Variants in LNPK observed in about 807,000 individuals in gnomAD.
LNPK encodes the protein endoplasmic reticulum junction formation protein lunapark.
In LNPK, 29 loss-of-function variants were observed where a neutral mutation model predicts 55.2. That is an observed-to-expected ratio of 0.53 (90% CI 0.39 to 0.72). The LOEUF (loss-of-function observed/expected upper bound fraction) is 0.72, where lower values mean the gene tolerates loss of function less well. Ranked by LOEUF, LNPK falls within the 30% of genes least tolerant of loss-of-function variation. LNPK has a pLI of 0.00. For missense variants in LNPK, 467 were observed against 494.8 expected (o/e 0.94, Z 0.53); for synonymous variants, 162 against 168.2 (o/e 0.96, Z 0.29).
At chr2:175,983,810 A>G (rs976192142) in intron 4 of LNPK, among the ~76,000 whole-genome samples, 1 of 152,092 alleles carries the variant, frequency 6.6e-6, no homozygotes, top group African/African-American at 2.4e-5. Context: ...AAGTTAAAAA[A>G]AAAAATGTGA....
intron 9 of LNPK, among the ~76,000 whole-genome samples, chr2:175,941,728 T>C (rs1170926419): frequency 7.0e-6 from 1 of 142,790 alleles, no homozygotes; most frequent in Non-Finnish European, 1.5e-5. Context: ...GAGGTGGAGG[T>C]TGCAGTGAGC....
At chr2:175,967,285 A>C (rs577774681) in intron 6 of LNPK, among the ~76,000 whole-genome samples, 1 of 152,320 alleles carries the variant, frequency 6.6e-6, no homozygotes, top group South Asian at 2.1e-4. Context: ...TAATAAATAC[A>C]TGATTCTATT....
intron 8 of LNPK, among the ~76,000 whole-genome samples, chr2:175,954,063 A>G (rs1470425591): frequency 6.6e-6 from 1 of 152,122 alleles, no homozygotes; most frequent in Non-Finnish European, 1.5e-5. Context: ...TTTCAATCCT[A>G]TTCTCACAGC....
At chr2:175,946,551 T>C (rs904054698) in intron 9 of LNPK, among the ~76,000 whole-genome samples, 6 of 152,172 alleles carry the variant, frequency 3.9e-5, no homozygotes, top group African/African-American at 1.2e-4. Context: ...TAAAATCTTA[T>C]GCTGCATTTT....
intron 6 of LNPK, among the ~76,000 whole-genome samples, chr2:175,969,722 T>C (rs1686564427): frequency 6.6e-6 from 1 of 152,196 alleles, no homozygotes; most frequent in African/African-American, 2.4e-5. Flanking sequence ...TTCCATAATG[T>C]GCAGAATAGC....
At chr2:175,947,420 T>A in intron 9 of LNPK, 60 bp downstream of exon 9, 1 of 1,453,358 alleles carries the variant, frequency 6.9e-7, no homozygotes, top group Non-Finnish European at 9.5e-7. Context: ...AAATGGCCCG[T>A]TTTATTGGTA....
chr2:175,978,565 G>A (rs181184489), intron 5 of LNPK, among the ~76,000 whole-genome samples: 51 of 152,200 alleles, frequency 3.4e-4, no homozygotes, highest in Admixed American at 3.2e-3. Context: ...GTGATTTGAG[G>A]AGAAATACAG....
intron 5 of LNPK, among the ~76,000 whole-genome samples, chr2:175,977,846 T>A (rs571787299): frequency 6.6e-6 from 1 of 152,208 alleles, no homozygotes; most frequent in Non-Finnish European, 1.5e-5. Flanking sequence ...GAGAGGTTTT[T>A]TCCCCACATA....
At chr2:175,950,762 T>C (rs540040325) in intron 8 of LNPK, among the ~76,000 whole-genome samples, 3 of 152,156 alleles carry the variant, frequency 2.0e-5, no homozygotes, top group Admixed American at 1.3e-4. Flanking sequence ...TTATGCTTGT[T>C]GTAAAGATTA....
chr2:175,973,485 G>A (rs987446113), intron 5 of LNPK, among the ~76,000 whole-genome samples: 5 of 152,204 alleles, frequency 3.3e-5, no homozygotes, highest in Non-Finnish European at 7.4e-5. Context: ...ACCATAGACT[G>A]TAAACACCTT....
chr2:175,954,978 G>A (rs1243365757), intron 8 of LNPK, among the ~76,000 whole-genome samples: 1 of 152,198 alleles, frequency 6.6e-6, no homozygotes, highest in African/African-American at 2.4e-5. Context: ...ATAGAGTGAA[G>A]TGAGGACTTC....
intron 1 of LNPK, among the ~76,000 whole-genome samples, chr2:175,997,705 C>CTGTGTGTG (rs35147185): frequency 0.15 from 21,584 of 143,968 alleles, 1,701 homozygotes; most frequent in East Asian, 0.26. Context: ...AACAAATGCT[C>CTGTGTGTG]TGTGTGTGTG....
intron 4 of LNPK, among the ~76,000 whole-genome samples, chr2:175,987,987 A>T (rs1196421537): frequency 6.6e-6 from 1 of 152,244 alleles, no homozygotes; most frequent in Non-Finnish European, 1.5e-5. Context: ...AATATAGCAG[A>T]ATATCTCAAT....
intron 9 of LNPK, among the ~76,000 whole-genome samples, chr2:175,943,103 TTCAC>T (rs1684939066): frequency 6.6e-6 from 1 of 151,678 alleles, no homozygotes; most frequent in Non-Finnish European, 1.5e-5. Context: ...ACTACCGAAG[TTCAC>T]TCAAGAAGAT....
chr2:175,931,272 G>A lies in LNPK; in HGVS notation c.1055-1073C>T, dbSNP rs566044400. Among the ~76,000 whole-genome samples, 7 of 152,266 alleles carry A rather than the reference G, an allele frequency of 4.6e-5. No homozygotes were observed. The South Asian group carries it at 1.5e-3, about 32-fold the overall frequency. On this transcript the variant is annotated intron_variant, in intron 12 of 12. Coordinates refer to ENST00000272748, the MANE Select transcript of LNPK (RefSeq NM_030650.3). ...GTTACTGATTCAAAAACTCTGGAGG[G>A]AAGGCCAGCCTTAGTAAAAAGTTCT...
chr2:175,983,006 G>A (rs562120392), intron 4 of LNPK, among the ~76,000 whole-genome samples: 1 of 152,294 alleles, frequency 6.6e-6, no homozygotes, highest in Admixed American at 6.5e-5. Context: ...ATCAGAATAT[G>A]TGGAGGCACT....
At chr2:175,978,916 C>CT (rs1270558883) in intron 5 of LNPK, among the ~76,000 whole-genome samples, 2 of 152,098 alleles carry the variant, frequency 1.3e-5, no homozygotes, top group East Asian at 3.9e-4. Context: ...ATTATAGGAT[C>CT]TAATGTGAGC....
At chr2:175,931,512 C>T (rs895164373) in intron 12 of LNPK, among the ~76,000 whole-genome samples, 2 of 152,134 alleles carry the variant, frequency 1.3e-5, no homozygotes, top group African/African-American at 4.8e-5. Flanking sequence ...TGGACTCTGG[C>T]TTATATAATT....
intron 4 of LNPK, among the ~76,000 whole-genome samples, chr2:175,986,427 T>C (rs1687416478): frequency 6.6e-6 from 1 of 152,026 alleles, no homozygotes; most frequent in South Asian, 2.1e-4. Flanking sequence ...CAAAAAAACA[T>C]CATATCTTGA....
Sources: allele counts gnomAD v4.1 joint callset (sites outside exome capture counted in the v4.1 genomes callset), GRCh38; gene constraint gnomAD v4.1.1; transcripts MANE v1.5; gene names NCBI Gene and HGNC (gene_info 2026-07-23, HGNC 2026-07-21).